The following SLC24A2 variants were observed in gnomAD, a reference collection of about 807,000 sequenced individuals.
SLC24A2 encodes solute carrier family 24 member 2, also known as sodium/potassium/calcium exchanger 2.
Under a neutral mutation model 62.0 loss-of-function variants are expected in SLC24A2, and 36 were observed. The observed-to-expected ratio is 0.58, with a 90% confidence interval of 0.44 to 0.77. SLC24A2 has a LOEUF of 0.77. Among genes scored for constraint, SLC24A2 ranks in the 30% least tolerant of loss-of-function variants. The pLI is 0.00. For missense variants in SLC24A2, 846 were observed against 817.9 expected (o/e 1.03, Z -0.42); for synonymous variants, 358 against 294.0 (o/e 1.22, Z -2.23).
At chr9:20,032,977 T>C in the SLC24A2 span, among the ~76,000 whole-genome samples, 4 of 152,144 alleles carry the variant, frequency 2.6e-5, no homozygotes, top group Middle Eastern at 3.2e-3. Context: ...CCTTTTGGGG[T>C]CAAAAATACC....
chr9:19,647,920 T>C (rs1818690485), intron 2 of SLC24A2, among the ~76,000 whole-genome samples: 1 of 152,172 alleles, frequency 6.6e-6, no homozygotes, highest in Admixed American at 6.5e-5. Context: ...CCAATAACGA[T>C]TGTGAATCCT....
chr9:19,550,320 C>T, intron 7 of SLC24A2, 52 bp from the exon 8 acceptor site: 9 of 1,580,476 alleles, frequency 5.7e-6, no homozygotes, highest in African/African-American at 1.3e-5. Flanking sequence ...AAAATGTACA[C>T]AGGCACAACA....
rs557063969 is a variant in SLC24A2 at position 19,732,355 on chromosome 9, G to C, written c.930+53582C>G. 6.5e-4 allele frequency among the ~76,000 whole-genome samples: 99 copies of C among 152,242 alleles called. 1 individual carries two copies. Among genetic ancestry groups the C allele is most frequent in the African/African-American group, 2.3e-3 (95 of 41,530 alleles). On this transcript the variant is annotated intron_variant, in intron 2 of 10. Coordinates refer to ENST00000341998, the MANE Select transcript of SLC24A2 (RefSeq NM_020344.4). ...CTGACTTGTAGCTTGGAATGTCATA[G>C]TGGCCTGAGACCACCTCTTGAAAAA...
chr9:19,776,782 T>G (rs1321101913), intron 2 of SLC24A2, among the ~76,000 whole-genome samples: 1 of 152,190 alleles, frequency 6.6e-6, no homozygotes, highest in East Asian at 1.9e-4. Flanking sequence ...TTAGGGTGAA[T>G]GTATTAGATT....
intron 2 of SLC24A2, among the ~76,000 whole-genome samples, chr9:19,747,294 A>G (rs889144113): frequency 6.6e-6 from 1 of 151,986 alleles, no homozygotes; most frequent in African/African-American, 2.4e-5. Context: ...TTTTATGCCT[A>G]TACTTTCTCT....
chr9:19,944,441 TAA>T, the SLC24A2 span, among the ~76,000 whole-genome samples: 44 of 78,474 alleles, frequency 5.6e-4, no homozygotes, highest in African/African-American at 7.6e-4. Flanking sequence ...AAAGTAGTAG[TAA>T]AAAAAAAAAA....
chr9:19,972,023 A>G, the SLC24A2 span, among the ~76,000 whole-genome samples: 1 of 152,204 alleles, frequency 6.6e-6, no homozygotes, highest in African/African-American at 2.4e-5. Flanking sequence ...CTGGCTCAAG[A>G]ACTCTATTCT....
chr9:19,953,491 T>C, the SLC24A2 span, among the ~76,000 whole-genome samples: 75 of 152,148 alleles, frequency 4.9e-4, no homozygotes, highest in South Asian at 5.6e-3. Flanking sequence ...GCAGGAAAGA[T>C]TGAATAAGTA....
At chr9:19,985,747 A>G in the SLC24A2 span, among the ~76,000 whole-genome samples, 73,477 of 151,862 alleles carry the variant, frequency 0.48, 18,645 homozygotes, top group Non-Finnish European at 0.55. Context: ...ACTTTCATAA[A>G]GATGATTTAC....
the SLC24A2 span, among the ~76,000 whole-genome samples, chr9:20,009,913 AAAC>A: frequency 6.6e-6 from 1 of 152,172 alleles, no homozygotes; most frequent in Non-Finnish European, 1.5e-5. Flanking sequence ...TTGTGTGGCC[AAAC>A]AACAAGCCCA....
the SLC24A2 span, among the ~76,000 whole-genome samples, chr9:19,951,421 A>C: frequency 6.6e-6 from 1 of 152,118 alleles, no homozygotes; most frequent in East Asian, 1.9e-4. Context: ...TGTTCTAAGA[A>C]ATATTTGCTT....
At chr9:19,687,552 C>G (rs1819919710) in intron 2 of SLC24A2, among the ~76,000 whole-genome samples, 1 of 152,184 alleles carries the variant, frequency 6.6e-6, no homozygotes, top group African/African-American at 2.4e-5. Context: ...GTTCACATTC[C>G]TCATTCTGAA....
chr9:20,225,335 T>C, the SLC24A2 span, among the ~76,000 whole-genome samples: 2 of 151,264 alleles, frequency 1.3e-5, no homozygotes, highest in African/African-American at 4.9e-5. Flanking sequence ...TGTCTATCAG[T>C]AGGAGCATGG....
At chr9:19,902,934 T>C in the SLC24A2 span, among the ~76,000 whole-genome samples, 4 of 152,162 alleles carry the variant, frequency 2.6e-5, no homozygotes, top group Non-Finnish European at 4.4e-5. Flanking sequence ...TTCAACTTCA[T>C]GGCTAAGCTG....
At chr9:19,997,118 C>G in the SLC24A2 span, among the ~76,000 whole-genome samples, 2 of 151,928 alleles carry the variant, frequency 1.3e-5, no homozygotes, top group South Asian at 4.2e-4. Flanking sequence ...CGAGAGAGAG[C>G]ACAGAGCATT....
chr9:19,579,478 A>C (rs1348189286), intron 5 of SLC24A2, among the ~76,000 whole-genome samples: 4 of 152,198 alleles, frequency 2.6e-5, no homozygotes. Flanking sequence ...AGAAGAGGAA[A>C]AAAGGAGGTT....
chr9:19,734,081 G>A (rs1821422888), intron 2 of SLC24A2, among the ~76,000 whole-genome samples: 1 of 152,096 alleles, frequency 6.6e-6, no homozygotes, highest in Non-Finnish European at 1.5e-5. Context: ...CTACATGCAG[G>A]GATGTAGTTA....
the SLC24A2 span, among the ~76,000 whole-genome samples, chr9:19,946,033 C>T: frequency 6.6e-6 from 1 of 152,246 alleles, no homozygotes; most frequent in Admixed American, 6.5e-5. Context: ...ACTGCTAGGA[C>T]TTTAGAAATG....
the SLC24A2 span, among the ~76,000 whole-genome samples, chr9:20,014,426 C>G: frequency 6.6e-6 from 1 of 151,346 alleles, no homozygotes. Context: ...TGTCTGCACT[C>G]CCACGATTAC....
Sources: allele counts gnomAD v4.1 joint callset (sites outside exome capture counted in the v4.1 genomes callset), GRCh38; gene constraint gnomAD v4.1.1; transcripts MANE v1.5; gene names NCBI Gene and HGNC (gene_info 2026-07-23, HGNC 2026-07-21).